FAM174B: variants seen among roughly 807,000 people sequenced by gnomAD.
The protein encoded by FAM174B is family with sequence similarity 174 member B, also known as membrane protein FAM174B.
A neutral mutation model predicts 10.9 loss-of-function variants in FAM174B; 12 were observed. The observed-to-expected ratio is 1.10, with a 90% CI of 0.71 to 1.79. The LOEUF (loss-of-function observed/expected upper bound fraction) is 1.79. Ranked by LOEUF, FAM174B falls within the 40% of genes most tolerant of loss-of-function variation. The pLI, the probability that FAM174B is intolerant of heterozygous loss-of-function variation, is 0.00. For synonymous variants in FAM174B, 132 were observed against 115.8 expected, an observed-to-expected ratio of 1.14 and a Z score of -0.90; for missense variants, 266 against 233.3, an observed-to-expected ratio of 1.14 and a Z score of -0.91.
At position 92,617,853 on chromosome 15, in the gene FAM174B, A is replaced by ACC; in HGVS notation, c.*1602_*1603insGG. On this transcript the variant is annotated 3_prime_UTR_variant, in exon 3 of 3. Transcript: ENST00000327355. Reference sequence around the variant, plus strand: ...ACAAAGAAGGTGAAATGCAGGGAGCAGAGACTACACGCAGGCCCCCCGTGG... The same window carrying ACC: ...ACAAAGAAGGTGAAATGCAGGGAGCACCGAGACTACACGCAGGCCCCCCGTGG... The ACC allele has an allele frequency of 8.4e-6, 4 of 477,034 alleles. No individual in the cohort carries two copies. The highest frequency in any genetic ancestry group is 3.7e-5 in the South Asian group (1 of 27,116). The allele number at this position is 477,034 out of a possible 1,614,324, so 29.6% of individuals were successfully genotyped here.
chr15:92,655,241 G>T, intron 1 of FAM174B, 75 bp downstream of exon 1: 1 of 1,441,430 alleles, frequency 6.9e-7, no homozygotes, highest in Non-Finnish European at 9.1e-7. Context: ...CAGGTGGGGC[G>T]GGCGCGCGGC....
chr15:92,619,828 A>G, intron 2 of FAM174B: 1 of 287,552 alleles, frequency 3.5e-6, no homozygotes, highest in Non-Finnish European at 6.5e-6. Context: ...TCCCACAATC[A>G]CGGTGATAAC....
In FAM174B at chr15:92,618,999, T is replaced by TGG; in HGVS notation, c.*455_*456dup. 1.7e-6 allele frequency: 1 copy of TGG among 597,278 alleles called. No individual in the cohort carries two copies. The highest frequency in any genetic ancestry group is 2.0e-5 in the South Asian group (1 of 48,794). The allele number at this position is 597,278 out of a possible 1,614,324, so 37.0% of individuals were successfully genotyped here. On this transcript the variant is annotated 3_prime_UTR_variant, in exon 3 of 3. Transcript: ENST00000327355. Reference sequence around the variant, plus strand: ...GCCAAAAAAGCAGCAAAGGATCAGATGGGGTCCAATGTGTAGATCCAGTAG... The same window carrying TGG: ...GCCAAAAAAGCAGCAAAGGATCAGATGGGGGGTCCAATGTGTAGATCCAGTAG...
intron 1 of FAM174B, among the ~76,000 whole-genome samples, chr15:92,654,418 A>C (rs1488441450): frequency 1.3e-5 from 2 of 152,198 alleles, no homozygotes; most frequent in African/African-American, 2.4e-5. Context: ...ATTTCCTGCA[A>C]AAACAGGATT....
intron 2 of FAM174B, among the ~76,000 whole-genome samples, chr15:92,620,197 C>G (rs1036912824): frequency 2.6e-5 from 4 of 152,166 alleles, no homozygotes; most frequent in African/African-American, 9.7e-5. Context: ...ACCACAGTGT[C>G]AGAAAACATA....
chr15:92,645,074 G>A (rs1318898128), intron 1 of FAM174B, among the ~76,000 whole-genome samples: 5 of 152,198 alleles, frequency 3.3e-5, no homozygotes, highest in African/African-American at 1.2e-4. Context: ...GGTTCATTAG[G>A]TCCTACGTGC....
intron 1 of FAM174B, among the ~76,000 whole-genome samples, chr15:92,631,500 CTT>C (rs560489141): frequency 2.8e-5 from 2 of 70,420 alleles, no homozygotes; most frequent in Non-Finnish European, 5.3e-5. Context: ...ATATATAATT[CTT>C]TTTTTTTTTT....
intron 1 of FAM174B, among the ~76,000 whole-genome samples, chr15:92,631,450 C>T (rs374682481): frequency 0.016 from 729 of 45,468 alleles, 11 homozygotes; most frequent in African/African-American, 0.03. Context: ...ATATATATAA[C>T]ATAATATATA....
intron 1 of FAM174B, among the ~76,000 whole-genome samples, chr15:92,632,870 G>T (rs2050828636): frequency 6.6e-6 from 1 of 151,842 alleles, no homozygotes; most frequent in Non-Finnish European, 1.5e-5. Flanking sequence ...ACTGTGGGCT[G>T]CAGGGAAAGC....
chr15:92,618,876 C>A lies in FAM174B; in HGVS notation c.*580G>T. On this transcript the variant is annotated 3_prime_UTR_variant, in exon 3 of 3. Transcript: ENST00000327355. ...AAAAAGGAAGAAAGAAAAGGAGCCA[C>A]AGACGTGTCCAGGTCTGGAAGGGGC... 1.2e-5 allele frequency: 3 copies of A among 254,422 alleles called. No homozygotes were observed. The highest frequency in any genetic ancestry group is 5.2e-5 in the Admixed American group (1 of 19,180). The allele number at this position is 254,422 out of a possible 1,614,324, so 15.8% of individuals were successfully genotyped here. A position where few individuals can be genotyped will look rare whatever the true frequency, so the allele number is the denominator to read the frequency against.
chr15:92,623,496 G>A (rs930815520), intron 2 of FAM174B, among the ~76,000 whole-genome samples: 6 of 152,192 alleles, frequency 3.9e-5, no homozygotes, highest in Non-Finnish European at 4.4e-5. Flanking sequence ...ATTTCCCACC[G>A]TGCCGCAGGA....
chr15:92,617,763 G>A lies in FAM174B; in HGVS notation c.*1693C>T, dbSNP rs139184656. On this transcript the variant is annotated 3_prime_UTR_variant, in exon 3 of 3. Transcript: ENST00000327355. ...TGGAGAGGAGAGATAAAGCAGCCAC[G>A]GCTGTTCTGTTGCCAGTCCCACCCC... The A allele has an allele frequency of 1.5e-4, 84 of 569,090 alleles. No individual in the cohort carries two copies. Among genetic ancestry groups the A allele is most frequent in the East Asian group, 3.0e-4 (9 of 30,456 alleles). The allele number at this position is 569,090 out of a possible 1,614,324, so 35.3% of individuals were successfully genotyped here. A position where few individuals can be genotyped will look rare whatever the true frequency, so the allele number is the denominator to read the frequency against.
chr15:92,630,180 A>T, intron 2 of FAM174B, 34 bp downstream of exon 2: 1 of 1,608,628 alleles, frequency 6.2e-7, no homozygotes, highest in African/African-American at 1.3e-5. Flanking sequence ...CACTGCCCCA[A>T]GCCCAGGAGG....
chr15:92,631,056 A>G (rs866453516), intron 1 of FAM174B, among the ~76,000 whole-genome samples: 1 of 42,840 alleles, frequency 2.3e-5, no homozygotes, highest in East Asian at 6.4e-4. Flanking sequence ...TATATATTAT[A>G]TATTACGTAT....
intron 1 of FAM174B, among the ~76,000 whole-genome samples, chr15:92,648,853 T>C (rs947727213): frequency 6.6e-6 from 1 of 152,356 alleles, no homozygotes; most frequent in Admixed American, 6.5e-5. Context: ...TCCTGGCAGA[T>C]TGCCCTTAGA....
intron 1 of FAM174B, among the ~76,000 whole-genome samples, chr15:92,635,953 C>G (rs1284752489): frequency 6.6e-6 from 1 of 152,164 alleles, no homozygotes; most frequent in African/African-American, 2.4e-5. Flanking sequence ...AATTTAGGAA[C>G]AGAGCCAATC....
Position 92,620,296 on chromosome 15 carries a change from C to T in FAM174B, c.477-837G>A, listed in dbSNP as rs779159474. Reference sequence around the variant, plus strand: ...GATGGATCACAAGGTCAGGAGATCGCGACCATCCTGGCTAACATGGTGAAA... The same window carrying T: ...GATGGATCACAAGGTCAGGAGATCGTGACCATCCTGGCTAACATGGTGAAA... On this transcript the variant is annotated intron_variant, in intron 2 of 2. Transcript: ENST00000327355. 4.6e-5 allele frequency among the ~76,000 whole-genome samples: 7 copies of T among 152,216 alleles called. No individual in the cohort carries two copies. The South Asian group carries it at 8.3e-4, about 18-fold the overall frequency.
Position 92,655,458 on chromosome 15 carries a change from A to AGCTGCC in FAM174B, c.196_201dup (p.Gly66_Ser67dup). On this transcript the variant is annotated inframe_insertion, in exon 1 of 3. Transcript: ENST00000327355. ...GCGTCGCCACTGCTGTTGGAGCTGG[A>AGCTGCC]GCTGCCGCTGCCGCCCGCCGCCCCA... is the stretch of plus-strand genomic sequence containing the variant. 1.6e-6 allele frequency: 1 copy of AGCTGCC among 630,640 alleles called. No individual in the cohort carries two copies. Among genetic ancestry groups the AGCTGCC allele is most frequent in the African/African-American group, 2.5e-5 (1 of 40,672 alleles). 39.1% of individuals were successfully genotyped at this position (630,640 alleles called of 1,614,324 possible).
intron 2 of FAM174B, among the ~76,000 whole-genome samples, chr15:92,626,861 G>A (rs942453579): frequency 6.6e-6 from 1 of 152,004 alleles, no homozygotes; most frequent in Non-Finnish European, 1.5e-5. Flanking sequence ...GACCATCCTG[G>A]CCAACATGGT....
Sources: allele counts gnomAD v4.1 joint callset (sites outside exome capture counted in the v4.1 genomes callset), GRCh38; gene constraint gnomAD v4.1.1; transcripts MANE v1.5; gene names NCBI Gene and HGNC (gene_info 2026-07-23, HGNC 2026-07-21).